RSPO3: variants seen among roughly 807,000 people sequenced by gnomAD.
The protein encoded by RSPO3 is R-spondin 3, also known as R-spondin-3.
RSPO3 carries 17 observed loss-of-function variants against 36.5 expected under a neutral mutation model. That is an observed-to-expected ratio of 0.47 (90% confidence interval 0.32 to 0.70). The LOEUF is 0.70. RSPO3 is among the 30% of genes least tolerant of loss of function. The probability of loss-of-function intolerance (pLI) is 0.04; values close to 1 mark genes in which losing one functional copy is unlikely to be tolerated. For synonymous variants in RSPO3, 108 were observed against 107.0 expected (o/e 1.01, Z -0.06); for missense variants, 294 against 322.5 (o/e 0.91, Z 0.68).
At chr6:127,155,891 T>TATATATATAC (rs1554221214) in intron 4 of RSPO3, among the ~76,000 whole-genome samples, 14 of 150,628 alleles carry the variant, frequency 9.3e-5, no homozygotes, top group African/African-American at 3.4e-4. Flanking sequence ...TATATATATA[T>TATATATATAC]ACACACACAC....
At chr6:127,148,228 G>A (rs1405792147) in intron 1 of RSPO3, among the ~76,000 whole-genome samples, 2 of 152,038 alleles carry the variant, frequency 1.3e-5, no homozygotes, top group East Asian at 1.9e-4. Flanking sequence ...CAAAGCAAAT[G>A]TGTATTAATT....
intron 4 of RSPO3, among the ~76,000 whole-genome samples, chr6:127,190,693 T>A (rs1240347232): frequency 7.2e-5 from 11 of 152,230 alleles, no homozygotes; most frequent in African/African-American, 2.7e-4. Context: ...TAATGTGGAA[T>A]ACATTTTTAG....
chr6:127,177,896 GT>G (rs1040412831), intron 4 of RSPO3, among the ~76,000 whole-genome samples: 15 of 147,104 alleles, frequency 1.0e-4, no homozygotes, highest in East Asian at 4.0e-4. Context: ...AGTTCTCTTG[GT>G]TTTTTTTTTA....
intron 4 of RSPO3, among the ~76,000 whole-genome samples, chr6:127,186,280 G>A (rs899243046): frequency 1.3e-5 from 2 of 152,058 alleles, no homozygotes; most frequent in African/African-American, 2.4e-5. Flanking sequence ...ACAAATGAAT[G>A]AGCTGTGGGC....
At chr6:127,187,377 C>T (rs892043949) in intron 4 of RSPO3, among the ~76,000 whole-genome samples, 1 of 151,950 alleles carries the variant, frequency 6.6e-6, no homozygotes, top group African/African-American at 2.4e-5. Flanking sequence ...ACCAAAGTAT[C>T]CTATTCAGGG....
intron 1 of RSPO3, among the ~76,000 whole-genome samples, chr6:127,132,120 C>T (rs1035172974): frequency 2.6e-5 from 4 of 151,968 alleles, no homozygotes; most frequent in African/African-American, 9.7e-5. Flanking sequence ...AACACCAGCC[C>T]CCTGATCCTG....
intron 4 of RSPO3, chr6:127,192,606 A>T: frequency 1.0e-6 from 1 of 967,240 alleles, no homozygotes. Context: ...GCTAATAGCA[A>T]ATTCTCTTTG....
At chr6:127,140,495 T>C (rs901557039) in intron 1 of RSPO3, among the ~76,000 whole-genome samples, 4 of 152,206 alleles carry the variant, frequency 2.6e-5, no homozygotes, top group Admixed American at 2.6e-4. Flanking sequence ...GATTGGAATC[T>C]GGATGTAAAT....
intron 1 of RSPO3, among the ~76,000 whole-genome samples, chr6:127,135,278 G>C (rs1030407269): frequency 6.6e-6 from 1 of 151,996 alleles, no homozygotes; most frequent in African/African-American, 2.4e-5. Context: ...AAAATTAGCC[G>C]GGTGTGGTGG....
intron 4 of RSPO3, among the ~76,000 whole-genome samples, chr6:127,182,617 C>T (rs1775211765): frequency 6.6e-6 from 1 of 152,084 alleles, no homozygotes; most frequent in Admixed American, 6.6e-5. Flanking sequence ...CTGAGACTTT[C>T]TCTTCCCATT....
intron 1 of RSPO3, among the ~76,000 whole-genome samples, chr6:127,133,379 A>C (rs1358660323): frequency 6.6e-6 from 1 of 152,098 alleles, no homozygotes; most frequent in Non-Finnish European, 1.5e-5. Context: ...TCTTGATTTG[A>C]CTGTAGTGAG....
At chr6:127,128,332 T>C (rs1007049908) in intron 1 of RSPO3, among the ~76,000 whole-genome samples, 4 of 151,506 alleles carry the variant, frequency 2.6e-5, no homozygotes, top group African/African-American at 9.7e-5. Flanking sequence ...CATTAGAATT[T>C]CCTGGGGATC....
intron 4 of RSPO3, among the ~76,000 whole-genome samples, chr6:127,157,122 C>T (rs1774610202): frequency 6.6e-6 from 1 of 152,080 alleles, no homozygotes; most frequent in Non-Finnish European, 1.5e-5. Context: ...TAATTTAAAA[C>T]ATCTTAGATT....
chr6:127,135,005 CT>C (rs753687252), intron 1 of RSPO3, among the ~76,000 whole-genome samples: 7 of 152,190 alleles, frequency 4.6e-5, no homozygotes, highest in Non-Finnish European at 1.0e-4. Context: ...GATGGAACTA[CT>C]AATACCTCAT....
chr6:127,140,781 A>C (rs1424205737), intron 1 of RSPO3, among the ~76,000 whole-genome samples: 1 of 152,146 alleles, frequency 6.6e-6, no homozygotes, highest in Non-Finnish European at 1.5e-5. Context: ...ATAGCACTCA[A>C]CGCATTGCAG....
At chr6:127,136,479 G>C (rs771022301) in intron 1 of RSPO3, among the ~76,000 whole-genome samples, 2 of 152,074 alleles carry the variant, frequency 1.3e-5, no homozygotes, top group African/African-American at 4.8e-5. Flanking sequence ...ATCTGATCCT[G>C]AGCTGGAAAA....
intron 1 of RSPO3, 118 bp downstream of exon 1, chr6:127,119,407 AG>A: frequency 1.4e-6 from 1 of 732,872 alleles, no homozygotes. Context: ...CGCCTCGCAG[AG>A]GAGATGCAGG....
At chr6:127,148,497 T>TA (rs945169356) in intron 1 of RSPO3, 151 bp from the exon 2 acceptor site, 5 of 540,302 alleles carry the variant, frequency 9.3e-6, no homozygotes, top group South Asian at 3.5e-5. Context: ...TAAAAGATCA[T>TA]AAAAAAAGAT....
intron 4 of RSPO3, among the ~76,000 whole-genome samples, chr6:127,176,722 CAT>C (rs1304690657): frequency 1.3e-5 from 2 of 151,730 alleles, no homozygotes; most frequent in African/African-American, 4.8e-5. Flanking sequence ...TTAAGGAAGA[CAT>C]ATTCTACTCC....
Sources: gnomAD v4.1 joint callset for allele counts (sites outside exome capture counted in the v4.1 genomes callset) on GRCh38, gnomAD v4.1.1 for gene constraint, MANE v1.5 for transcripts, NCBI Gene and HGNC (gene_info 2026-07-23, HGNC 2026-07-21) for gene names.